DLGAP2: variants seen among roughly 807,000 people sequenced by gnomAD.
DLGAP2 encodes the protein DLG associated protein 2, also known as disks large-associated protein 2.
Under a neutral mutation model 100.3 loss-of-function variants are expected in DLGAP2, and 26 were observed. The ratio of observed to expected loss-of-function variants is 0.26; its 90% CI spans 0.19 to 0.36. DLGAP2 has a LOEUF of 0.36. Among genes scored for constraint, DLGAP2 ranks in the 10% least tolerant of loss-of-function variants. The pLI is 1.00. For missense variants in DLGAP2, 1,858 were observed against 1,453.2 expected (o/e 1.28, Z -4.53); for synonymous variants, 886 against 630.1 (o/e 1.41, Z -6.08).
chr8:1,303,402 CAAAAAAAAAAA>C lies in DLGAP2; in HGVS notation c.106+44534_106+44544del, dbSNP rs374350701. Among the ~76,000 whole-genome samples the C allele has an allele frequency of 8.0e-5, 10 of 125,350 alleles. No individual in the cohort carries two copies. In the South Asian group the frequency reaches 2.1e-3, roughly 26 times the overall value. The allele number at this position is 125,350 out of a possible 152,430, so 82.2% of individuals were successfully genotyped here. On this transcript the variant is annotated intron_variant, in intron 3 of 14. Coordinates refer to ENST00000637795, the MANE Select transcript of DLGAP2 (RefSeq NM_001346810.2). ...ACAGAGCGAGACTCCGTCTCAAAAA[CAAAAAAAAAAA>C]AAAAAAAAAAAAAAGGAAGGAGAAG...
At chr8:1,304,730 T>G (rs1263185779) in intron 3 of DLGAP2, among the ~76,000 whole-genome samples, 2 of 152,084 alleles carry the variant, frequency 1.3e-5, no homozygotes, top group Non-Finnish European at 1.5e-5. Flanking sequence ...AGCAGGGTAA[T>G]TTATCGAAAG....
At chr8:1,576,154 G>T (rs373922313) in intron 6 of DLGAP2, among the ~76,000 whole-genome samples, 2 of 152,032 alleles carry the variant, frequency 1.3e-5, no homozygotes, top group Non-Finnish European at 2.9e-5. Flanking sequence ...TTTAATGATC[G>T]CCATTCTAAC....
intron 3 of DLGAP2, among the ~76,000 whole-genome samples, chr8:1,494,204 C>A (rs180760393): frequency 6.6e-6 from 1 of 152,346 alleles, no homozygotes. Context: ...GAAATCCAGT[C>A]TTTTCTTATG....
At chr8:1,487,858 C>T (rs931550325) in intron 3 of DLGAP2, among the ~76,000 whole-genome samples, 3 of 152,192 alleles carry the variant, frequency 2.0e-5, no homozygotes, top group African/African-American at 7.2e-5. Flanking sequence ...GTGGTGGCCC[C>T]TTTACCCGTA....
At chr8:1,319,998 G>T (rs1229492285) in intron 3 of DLGAP2, among the ~76,000 whole-genome samples, 2 of 152,156 alleles carry the variant, frequency 1.3e-5, no homozygotes, top group African/African-American at 2.4e-5. Flanking sequence ...AATAGGGCAG[G>T]AGACAAAGGT....
rs144155113 is a variant in DLGAP2, at chr8:1,311,281, A to G, written c.106+52398A>G. On this transcript the variant is annotated intron_variant, in intron 3 of 14. Transcript: ENST00000637795. The stretch of plus-strand genomic sequence containing the variant: ...ATAATAAGAGATCGAATCTATAATG[A>G]TAAAAAAATAAATCCTTGGAAAGAA... Among the ~76,000 whole-genome samples the G allele has an allele frequency of 1.7e-3, 260 of 152,370 alleles. 2 individuals carry two copies. The highest frequency in any genetic ancestry group is 6.8e-3 in the Middle Eastern group (2 of 292).
chr8:1,625,187 C>G (rs770937275), intron 6 of DLGAP2, among the ~76,000 whole-genome samples: 15 of 152,180 alleles, frequency 9.9e-5, no homozygotes, highest in Admixed American at 2.6e-4. Flanking sequence ...TTTTTATGTA[C>G]CTGCTTGTGC....
chr8:1,153,789 T>A (rs772447087), intron 2 of DLGAP2, among the ~76,000 whole-genome samples: 4 of 152,164 alleles, frequency 2.6e-5, no homozygotes, highest in Non-Finnish European at 5.9e-5. Flanking sequence ...CACAGCGTAA[T>A]GTTTTGCAGA....
At chr8:1,438,799 C>T (rs59789984) in intron 3 of DLGAP2, among the ~76,000 whole-genome samples, 2 of 152,294 alleles carry the variant, frequency 1.3e-5, no homozygotes, top group East Asian at 3.9e-4. Flanking sequence ...TTGCTGGTTG[C>T]TATGGAAACT....
At chr8:1,590,100 C>T (rs1030183431) in intron 6 of DLGAP2, among the ~76,000 whole-genome samples, 1 of 152,192 alleles carries the variant, frequency 6.6e-6, no homozygotes, top group African/African-American at 2.4e-5. Flanking sequence ...CACCCTCGGC[C>T]TCTGCCTCCC....
intron 1 of DLGAP2, among the ~76,000 whole-genome samples, chr8:769,396 C>T (rs1313683761): frequency 6.6e-6 from 1 of 151,808 alleles, no homozygotes; most frequent in Non-Finnish European, 1.5e-5. Context: ...CCATAACAAG[C>T]AAAACGGCGG....
intron 4 of DLGAP2, among the ~76,000 whole-genome samples, chr8:1,538,804 A>G (rs920441375): frequency 5.3e-5 from 8 of 151,710 alleles, no homozygotes; most frequent in African/African-American, 1.9e-4. Context: ...CCGGGTGGAC[A>G]TGTGTGTGAA....
intron 2 of DLGAP2, among the ~76,000 whole-genome samples, chr8:1,109,030 T>G (rs1357619961): frequency 1.7e-4 from 18 of 103,718 alleles, no homozygotes; most frequent in South Asian, 3.6e-4. Flanking sequence ...GGTGTGAATG[T>G]GTCTATGAGG....
chr8:953,156 G>A (rs1799520572), intron 2 of DLGAP2, among the ~76,000 whole-genome samples: 1 of 152,124 alleles, frequency 6.6e-6, no homozygotes, highest in Non-Finnish European at 1.5e-5. Context: ...GGCTCATGGT[G>A]TTAAATACAG....
chr8:1,452,705 C>G (rs1045947436), intron 3 of DLGAP2, among the ~76,000 whole-genome samples: 1 of 151,900 alleles, frequency 6.6e-6, no homozygotes, highest in African/African-American at 2.4e-5. Context: ...CGCTGGGCAG[C>G]TGAGCTGTCG....
intron 2 of DLGAP2, among the ~76,000 whole-genome samples, chr8:1,038,822 C>A (rs1802207620): frequency 6.6e-6 from 1 of 152,124 alleles, no homozygotes; most frequent in African/African-American, 2.4e-5. Context: ...TGGAAACATC[C>A]ATGTTTTTTT....
intron 1 of DLGAP2, among the ~76,000 whole-genome samples, chr8:809,914 G>A (rs775940550): frequency 6.6e-6 from 1 of 152,222 alleles, no homozygotes; most frequent in Admixed American, 6.5e-5. Context: ...AGCATGGTGT[G>A]CTCTGGTGCT....
chr8:737,932 G>C, intron 1 of DLGAP2, 107 bp downstream of exon 1: 1 of 355,874 alleles, frequency 2.8e-6, no homozygotes, highest in Non-Finnish European at 5.0e-6. Flanking sequence ...GAGGGCGTCA[G>C]GGTTGGGGGC....
intron 2 of DLGAP2, among the ~76,000 whole-genome samples, chr8:1,135,931 G>C (rs536422679): frequency 6.6e-6 from 1 of 152,208 alleles, no homozygotes; most frequent in South Asian, 2.1e-4. Context: ...TAAGAAACGA[G>C]ATTTAAACTG....
Sources: gnomAD v4.1 joint callset for allele counts (sites outside exome capture counted in the v4.1 genomes callset) on GRCh38, gnomAD v4.1.1 for gene constraint, MANE v1.5 for transcripts, NCBI Gene and HGNC (gene_info 2026-07-23, HGNC 2026-07-21) for gene names.